The following DTD1 variants were observed in gnomAD, a reference collection of about 807,000 sequenced individuals.
DTD1 encodes D-aminoacyl-tRNA deacylase 1, also known as D-tyrosyl-tRNA deacylase 1 homolog.
A neutral mutation model predicts 25.6 loss-of-function variants in DTD1; 13 were observed. The ratio of observed to expected loss-of-function variants is 0.51; its 90% CI spans 0.33 to 0.81. The LOEUF (loss-of-function observed/expected upper bound fraction) is 0.81, where lower values mean the gene tolerates loss of function less well. Among genes scored for constraint, DTD1 ranks in the 30% least tolerant of loss-of-function variants. DTD1 has a pLI of 0.02. For missense variants in DTD1, 193 were observed against 266.4 expected (o/e 0.72, Z 1.92); for synonymous variants, 110 against 103.6 (o/e 1.06, Z -0.37).
intron 4 of DTD1, among the ~76,000 whole-genome samples, chr20:18,638,256 C>T (rs936089080): frequency 6.6e-6 from 1 of 152,126 alleles, no homozygotes; most frequent in Non-Finnish European, 1.5e-5. Context: ...TCATCCAATA[C>T]CTTTATCCAG....
intron 3 of DTD1, among the ~76,000 whole-genome samples, chr20:18,597,851 C>G (rs1020810275): frequency 6.6e-6 from 1 of 152,136 alleles, no homozygotes; most frequent in Admixed American, 6.5e-5. Context: ...TATGATATAT[C>G]AGTTGTTTAC....
intron 4 of DTD1, among the ~76,000 whole-genome samples, chr20:18,672,230 T>A (rs2060953534): frequency 6.6e-6 from 1 of 152,072 alleles, no homozygotes; most frequent in Non-Finnish European, 1.5e-5. Flanking sequence ...TGAGACCCTG[T>A]CACAAATAAA....
Position 18,763,369 on chromosome 20 carries a change from A to G in DTD1, c.*29A>G, listed in dbSNP as rs947561378. ...TCTTTGGTCTTTTTAGTGTGTTATCATTGGGCAGAACTGGATCCTGAAAAA... is the reference window on the plus strand; with the variant it reads ...TCTTTGGTCTTTTTAGTGTGTTATCGTTGGGCAGAACTGGATCCTGAAAAA... On this transcript the variant is annotated 3_prime_UTR_variant, in exon 6 of 6. Transcript: ENST00000377452. The G allele has an allele frequency of 3.3e-5, 5 of 152,670 alleles. No homozygotes were observed. The highest frequency in any genetic ancestry group is 4.8e-5 in the African/African-American group (2 of 41,456). The allele number at this position is 152,670 out of a possible 1,614,324, so 9.5% of individuals were successfully genotyped here.
intron 3 of DTD1, among the ~76,000 whole-genome samples, chr20:18,616,630 A>G (rs1239005813): frequency 6.6e-6 from 1 of 152,106 alleles, no homozygotes; most frequent in South Asian, 2.1e-4. Context: ...TCTAAAAAGA[A>G]AAGAAAAAAA....
chr20:18,688,121 G>A (rs1258121907), intron 4 of DTD1, among the ~76,000 whole-genome samples: 1 of 152,120 alleles, frequency 6.6e-6, no homozygotes, highest in Non-Finnish European at 1.5e-5. Flanking sequence ...TATATTTGAA[G>A]CTAAAGTTAT....
At chr20:18,694,439 G>C (rs1431447214) in intron 4 of DTD1, among the ~76,000 whole-genome samples, 1 of 152,182 alleles carries the variant, frequency 6.6e-6, no homozygotes, top group Non-Finnish European at 1.5e-5. Flanking sequence ...TGGTTAGTGA[G>C]GCGTTTAGAA....
intron 4 of DTD1, among the ~76,000 whole-genome samples, chr20:18,641,874 C>A (rs1029887007): frequency 3.9e-5 from 6 of 152,124 alleles, no homozygotes; most frequent in African/African-American, 2.4e-5. Context: ...CTGATGAAAT[C>A]CAATTCGTCT....
At chr20:18,613,980 T>C (rs1296398210) in intron 3 of DTD1, among the ~76,000 whole-genome samples, 1 of 152,192 alleles carries the variant, frequency 6.6e-6, no homozygotes, top group Non-Finnish European at 1.5e-5. Context: ...TTACATAAAG[T>C]GTAAAAGATT....
chr20:18,665,028 A>G (rs2060926330), intron 4 of DTD1, among the ~76,000 whole-genome samples: 1 of 152,172 alleles, frequency 6.6e-6, no homozygotes, highest in Non-Finnish European at 1.5e-5. Flanking sequence ...GAAAGTAAAT[A>G]TTACCACTCC....
At chr20:18,713,723 G>A (rs757313420) in intron 4 of DTD1, among the ~76,000 whole-genome samples, 1 of 152,160 alleles carries the variant, frequency 6.6e-6, no homozygotes, top group African/African-American at 2.4e-5. Flanking sequence ...ACTTTCTCTA[G>A]ACTAAGGTTT....
intron 3 of DTD1, among the ~76,000 whole-genome samples, chr20:18,617,762 A>G (rs992011141): frequency 6.6e-6 from 1 of 152,110 alleles, no homozygotes; most frequent in Non-Finnish European, 1.5e-5. Flanking sequence ...TTTTAAAAAT[A>G]TTCCCCTTTC....
intron 1 of DTD1, 71 bp from the exon 2 acceptor site, chr20:18,593,660 A>G (rs1451822953): frequency 5.6e-6 from 6 of 1,065,090 alleles, no homozygotes; most frequent in Admixed American, 3.7e-5. Context: ...AAATACTCCT[A>G]TGGTTACTTA....
intron 4 of DTD1, among the ~76,000 whole-genome samples, chr20:18,634,574 C>T (rs1402028724): frequency 1.3e-5 from 2 of 152,158 alleles, no homozygotes; most frequent in Non-Finnish European, 2.9e-5. Context: ...ATTAATTTTA[C>T]GCTCCTCTGA....
At chr20:18,635,153 C>G (rs1209884801) in intron 4 of DTD1, among the ~76,000 whole-genome samples, 1 of 152,186 alleles carries the variant, frequency 6.6e-6, no homozygotes, top group Non-Finnish European at 1.5e-5. Context: ...GTTTTAAAGT[C>G]TGGTTGCCAA....
At chr20:18,641,821 C>T (rs760390901) in intron 4 of DTD1, among the ~76,000 whole-genome samples, 22 of 152,088 alleles carry the variant, frequency 1.4e-4, no homozygotes, top group Non-Finnish European at 2.5e-4. Flanking sequence ...ATTACCTTTT[C>T]ACTCTGTTGG....
intron 4 of DTD1, among the ~76,000 whole-genome samples, chr20:18,639,780 C>T (rs997928770): frequency 2.6e-5 from 4 of 152,150 alleles, no homozygotes; most frequent in African/African-American, 9.7e-5. Context: ...CCGGAAGCCT[C>T]AATTTCTTTG....
intron 4 of DTD1, among the ~76,000 whole-genome samples, chr20:18,721,637 T>TACTAAC (rs1190737347): frequency 2.0e-5 from 3 of 152,248 alleles, no homozygotes; most frequent in African/African-American, 7.2e-5. Flanking sequence ...TAGAACGATC[T>TACTAAC]GTTCTTTGAA....
At chr20:18,723,626 G>A (rs2061213360) in intron 4 of DTD1, among the ~76,000 whole-genome samples, 1 of 152,230 alleles carries the variant, frequency 6.6e-6, no homozygotes, top group Non-Finnish European at 1.5e-5. Flanking sequence ...GGTTTTGTAT[G>A]TATAATTCTG....
At chr20:18,756,497 G>A (rs1175460296) in intron 5 of DTD1, among the ~76,000 whole-genome samples, 3 of 152,198 alleles carry the variant, frequency 2.0e-5, no homozygotes, top group Admixed American at 6.5e-5. Flanking sequence ...TGGCTAGCCA[G>A]TTTTCCCAGC....
Sources: gnomAD v4.1 joint callset for allele counts (sites outside exome capture counted in the v4.1 genomes callset) on GRCh38, gnomAD v4.1.1 for gene constraint, MANE v1.5 for transcripts, NCBI Gene and HGNC (gene_info 2026-07-23, HGNC 2026-07-21) for gene names.